CDKAL1: variants seen among roughly 807,000 people sequenced by gnomAD.
CDKAL1 encodes the protein threonylcarbamoyladenosine tRNA methylthiotransferase.
In CDKAL1, 32 loss-of-function variants were observed where a neutral mutation model predicts 68.2. The observed-to-expected ratio is 0.47, with a 90% confidence interval of 0.35 to 0.63. The LOEUF (loss-of-function observed/expected upper bound fraction) is 0.63, where lower values mean the gene tolerates loss of function less well. Ranked by LOEUF, CDKAL1 falls within the 30% of genes least tolerant of loss-of-function variation. The probability of loss-of-function intolerance (pLI) is 0.00; values close to 1 mark genes in which losing one functional copy is unlikely to be tolerated. For synonymous variants in CDKAL1, 234 were observed against 244.3 expected (o/e 0.96, Z 0.39); for missense variants, 606 against 696.7 (o/e 0.87, Z 1.47).
At chr6:20,914,231 A>G (rs1403734301) in intron 9 of CDKAL1, among the ~76,000 whole-genome samples, 1 of 152,194 alleles carries the variant, frequency 6.6e-6, no homozygotes, top group Non-Finnish European at 1.5e-5. Context: ...CGCAGCTTGC[A>G]GTGAGCCAGG....
chr6:20,940,783 A>C (rs1288878871), intron 9 of CDKAL1, among the ~76,000 whole-genome samples: 1 of 152,120 alleles, frequency 6.6e-6, no homozygotes, highest in Non-Finnish European at 1.5e-5. Context: ...TCAGATGTGT[A>C]CCTTGGCACT....
intron 4 of CDKAL1, among the ~76,000 whole-genome samples, chr6:20,556,088 G>T (rs1446974648): frequency 1.3e-5 from 2 of 152,010 alleles, no homozygotes; most frequent in Non-Finnish European, 1.5e-5. Context: ...TTCTTGGCCG[G>T]GTGCGATCGC....
intron 13 of CDKAL1, among the ~76,000 whole-genome samples, chr6:21,176,437 G>A (rs763172593): frequency 1.3e-5 from 2 of 152,214 alleles, no homozygotes; most frequent in East Asian, 3.8e-4. Context: ...CAAGACAAGT[G>A]AGTCTGCTAA....
intron 8 of CDKAL1, among the ~76,000 whole-genome samples, chr6:20,811,769 A>G (rs937381155): frequency 2.7e-5 from 4 of 148,270 alleles, no homozygotes; most frequent in African/African-American, 1.0e-4. Context: ...GATTTTATCA[A>G]TTTTTTACCT....
At chr6:21,088,425 G>A (rs1180852066) in intron 12 of CDKAL1, among the ~76,000 whole-genome samples, 1 of 152,042 alleles carries the variant, frequency 6.6e-6, no homozygotes. Flanking sequence ...TGTCATTTTG[G>A]GTTTTCTGGA....
At chr6:20,997,268 A>T (rs1344442310) in intron 10 of CDKAL1, among the ~76,000 whole-genome samples, 1 of 152,196 alleles carries the variant, frequency 6.6e-6, no homozygotes, top group Non-Finnish European at 1.5e-5. Flanking sequence ...GAAGATTCTG[A>T]AAGATGAAGA....
chr6:21,171,899 A>G (rs1412646056), intron 13 of CDKAL1, among the ~76,000 whole-genome samples: 2 of 151,936 alleles, frequency 1.3e-5, no homozygotes, highest in Non-Finnish European at 2.9e-5. Context: ...CTTTGTATTT[A>G]TTTTGCTTAT....
At chr6:20,942,924 C>A in intron 9 of CDKAL1, among the ~76,000 whole-genome samples, 1 of 139,506 alleles carries the variant, frequency 7.2e-6, no homozygotes, top group South Asian at 2.3e-4. Context: ...CACTGCACTC[C>A]AGCCTGGTGA....
Position 21,015,973 on chromosome 6 carries a change from A to G in CDKAL1, c.1055+15601A>G, listed in dbSNP as rs114192867. Among the ~76,000 whole-genome samples the G allele has an allele frequency of 9.9e-3, 1,504 of 151,542 alleles. 27 individuals carry two copies. The highest frequency in any genetic ancestry group is 0.035 in the African/African-American group (1,437 of 41,320). ...AAAAAAAAAAAAAAAAGAAAGAATC[A>G]TGATACAATTCAGTTTTTGGAGAGT... On this transcript the variant is annotated intron_variant, in intron 11 of 15. Coordinates refer to ENST00000274695, the MANE Select transcript of CDKAL1 (RefSeq NM_017774.3).
chr6:21,177,352 A>G (rs1777622786), intron 13 of CDKAL1, among the ~76,000 whole-genome samples: 1 of 152,190 alleles, frequency 6.6e-6, no homozygotes, highest in Non-Finnish European at 1.5e-5. Context: ...CCTACTCCCC[A>G]TCCGCCCTTA....
chr6:20,989,279 G>A (rs112437185), intron 10 of CDKAL1, among the ~76,000 whole-genome samples: 3,041 of 152,240 alleles, frequency 0.02, 108 homozygotes, highest in African/African-American at 0.069. Context: ...ATGCAGAGGA[G>A]ATTATTGTCT....
chr6:20,724,026 G>A (rs1341112346), intron 5 of CDKAL1, among the ~76,000 whole-genome samples: 1 of 152,136 alleles, frequency 6.6e-6, no homozygotes, highest in East Asian at 1.9e-4. Context: ...TCCGCCTACT[G>A]GGTTTAAGTG....
intron 5 of CDKAL1, among the ~76,000 whole-genome samples, chr6:20,670,507 C>T (rs1451579242): frequency 6.6e-6 from 1 of 152,168 alleles, no homozygotes; most frequent in Non-Finnish European, 1.5e-5. Context: ...CTCCCATTAG[C>T]TTTTGACTTC....
chr6:20,563,620 T>G (rs2127671030), intron 4 of CDKAL1, among the ~76,000 whole-genome samples: 1 of 152,016 alleles, frequency 6.6e-6, no homozygotes, highest in Non-Finnish European at 1.5e-5. Flanking sequence ...TCACTGGGAT[T>G]ACAGGCATGA....
intron 9 of CDKAL1, among the ~76,000 whole-genome samples, chr6:20,923,107 A>AACAGGGT (rs1763030744): frequency 6.6e-6 from 1 of 152,022 alleles, no homozygotes; most frequent in Non-Finnish European, 1.5e-5. Flanking sequence ...CTTTGGTAGA[A>AACAGGGT]ACAGGGTCTT....
chr6:20,675,519 G>A (rs1172138420), intron 5 of CDKAL1, among the ~76,000 whole-genome samples: 1 of 152,142 alleles, frequency 6.6e-6, no homozygotes, highest in East Asian at 1.9e-4. Context: ...ATATATGATG[G>A]TGGTTTCATA....
In CDKAL1 at chr6:20,720,633, A is replaced by G. The variant is rs138624610; in HGVS notation, c.372-18886A>G. 2.7e-3 allele frequency among the ~76,000 whole-genome samples: 405 copies of G among 151,992 alleles called. 1 individual carries two copies. Among genetic ancestry groups the G allele is most frequent in the Admixed American group, 5.3e-3 (81 of 15,246 alleles). ...GCAATTCTCCTGCCTCAGCCTCCCT[A>G]TGATTACAGGCATACGCCACCAGGC... On this transcript the variant is annotated intron_variant, in intron 5 of 15. Coordinates refer to ENST00000274695, the MANE Select transcript of CDKAL1 (RefSeq NM_017774.3).
chr6:21,047,296 C>T (rs1770293339), intron 11 of CDKAL1, among the ~76,000 whole-genome samples: 1 of 152,072 alleles, frequency 6.6e-6, no homozygotes, highest in Admixed American at 6.6e-5. Flanking sequence ...GCTGAGAAGC[C>T]AGGCGCTGGA....
At chr6:21,222,930 C>A (rs73389907) in intron 15 of CDKAL1, among the ~76,000 whole-genome samples, 1 of 151,978 alleles carries the variant, frequency 6.6e-6, no homozygotes, top group Non-Finnish European at 1.5e-5. Context: ...GTGAGCGCAT[C>A]AAGTGTGTGT....
Sources: allele counts gnomAD v4.1 joint callset (sites outside exome capture counted in the v4.1 genomes callset), GRCh38; gene constraint gnomAD v4.1.1; transcripts MANE v1.5; gene names NCBI Gene and HGNC (gene_info 2026-07-23, HGNC 2026-07-21).